Variants in SIRPA observed in about 807,000 individuals in gnomAD.
SIRPA encodes signal regulatory protein alpha.
Under a neutral mutation model 50.3 loss-of-function variants are expected in SIRPA, and 9 were observed. The observed-to-expected ratio is 0.18, with a 90% CI of 0.11 to 0.31. The LOEUF is 0.31. Among genes scored for constraint, SIRPA ranks in the 10% least tolerant of loss-of-function variants. The pLI, the probability that SIRPA is intolerant of heterozygous loss-of-function variation, is 1.00. For missense variants in SIRPA, 474 were observed against 661.6 expected (o/e 0.72, Z 3.11); for synonymous variants, 265 against 284.1 (o/e 0.93, Z 0.68).
At chr20:1,897,958 C>T in intron 1 of SIRPA, among the ~76,000 whole-genome samples, 1 of 152,232 alleles carries the variant, frequency 6.6e-6, no homozygotes, top group Non-Finnish European at 1.5e-5. Context: ...GGACTGAGGC[C>T]TGGGGACACC....
At chr20:1,895,757 ACT>A (rs1160538039) in intron 1 of SIRPA, among the ~76,000 whole-genome samples, 1 of 152,062 alleles carries the variant, frequency 6.6e-6, no homozygotes, top group African/African-American at 2.4e-5. Flanking sequence ...GTCTCTGTGG[ACT>A]CTGACTCTGT....
At chr20:1,904,192 T>A (rs1375746536) in intron 1 of SIRPA, among the ~76,000 whole-genome samples, 1 of 151,946 alleles carries the variant, frequency 6.6e-6, no homozygotes, top group Non-Finnish European at 1.5e-5. Context: ...CCCTAAGATA[T>A]CAGGAAGCAC....
chr20:1,924,706 G>A lies in SIRPA; in HGVS notation c.1088-58G>A. On this transcript the variant is annotated intron_variant, in intron 4 of 7. Transcript: ENST00000358771. The surrounding 1 kb of genome is among the most constrained non-coding windows in gnomAD (Gnocchi z 4.5). ...GCTTAGTGGTGAAAAGCAGTGGTGG[G>A]TTTGGTTTTCTGTTTTTAATCTGCA... The A allele has an allele frequency of 6.4e-6, 9 of 1,412,238 alleles. No individual in the cohort carries two copies. In the South Asian group the frequency reaches 6.9e-5, roughly 11 times the overall value. 87.5% of individuals were successfully genotyped at this position (1,412,238 alleles called of 1,614,324 possible). A position where few individuals can be genotyped will look rare whatever the true frequency, so the allele number is the denominator to read the frequency against.
rs554324629 is a variant in SIRPA at position 1,924,336 on chromosome 20, C to T, written c.1088-428C>T. On this transcript the variant is annotated intron_variant, in intron 4 of 7. Coordinates refer to ENST00000358771, the MANE Select transcript of SIRPA (RefSeq NM_001040023.2). This position sits in a 1 kb window ranked among gnomAD's most constrained non-coding sequence, Gnocchi z 4.5. ...GCCCAGGTGCTGGGCACAGACCGGT[C>T]GTCAGCCCCTGAGCTGTGCAGAGCC... is the stretch of plus-strand genomic sequence containing the variant. Among the ~76,000 whole-genome samples, 9 of 152,196 alleles carry T rather than the reference C, an allele frequency of 5.9e-5. No homozygotes were observed. The highest frequency in any genetic ancestry group is 1.2e-4 in the Non-Finnish European group (8 of 68,026).
intron 6 of SIRPA, among the ~76,000 whole-genome samples, chr20:1,931,882 C>T (rs1355638804): frequency 1.3e-5 from 2 of 152,238 alleles, no homozygotes; most frequent in Non-Finnish European, 2.9e-5. Flanking sequence ...CATTTATTCA[C>T]TTGTCAGACA....
intron 6 of SIRPA, among the ~76,000 whole-genome samples, chr20:1,931,315 G>A (rs1986286049): frequency 6.6e-6 from 1 of 152,192 alleles, no homozygotes; most frequent in African/African-American, 2.4e-5. Flanking sequence ...TGAGGAAATT[G>A]AGGCTCAGAG....
At position 1,908,478 on chromosome 20, in the gene SIRPA, A is replaced by G. The variant is rs11906543; in HGVS notation, c.80-6621A>G. 1.1e-4 allele frequency among the ~76,000 whole-genome samples: 17 copies of G among 152,170 alleles called. No homozygotes were observed. The East Asian group carries it at 2.9e-3, about 26-fold the overall frequency. ...CACCATGATTCAGACACTCTCCTGC[A>G]CACAATTCACATGCCCACGCCCATG... On this transcript the variant is annotated intron_variant, in intron 1 of 7. Coordinates refer to ENST00000358771, the MANE Select transcript of SIRPA (RefSeq NM_001040023.2).
Position 1,895,461 on chromosome 20 carries a change from G to A in SIRPA, c.14G>A (p.Gly5Asp). 1.4e-6 allele frequency: 2 copies of A among 1,424,894 alleles called. No individual in the cohort carries two copies. The highest frequency in any genetic ancestry group is 2.9e-5 in the South Asian group (2 of 67,978). The allele number at this position is 1,424,894 out of a possible 1,614,324, so 88.3% of individuals were successfully genotyped here. Residue 5 changes from glycine to aspartate, a missense_variant, in exon 1 of 8, where the codon GGC becomes GAC. Coordinates refer to ENST00000358771, the MANE Select transcript of SIRPA (RefSeq NM_001040023.2). Reference protein sequence around the residue: MEPAGPAPGRLGPLL... With the variant: MEPADPAPGRLGPLL... ...CAGCCGCGGCCCATGGAGCCCGCCG[G>A]CCCGGCCCCCGGCCGCCTCGGGCCG...
intron 1 of SIRPA, among the ~76,000 whole-genome samples, chr20:1,900,266 G>A (rs4814715): frequency 0.69 from 104,744 of 151,692 alleles, 37,799 homozygotes; most frequent in African/African-American, 0.92. Context: ...ATGCCTGGCT[G>A]ATTTTGTATT....
chr20:1,900,320 G>A (rs902542512), intron 1 of SIRPA, among the ~76,000 whole-genome samples: 7 of 151,986 alleles, frequency 4.6e-5, no homozygotes, highest in Admixed American at 6.6e-5. Flanking sequence ...GGCTGGTCTC[G>A]AACTCCTGAC....
chr20:1,927,241 G>T lies in SIRPA; in HGVS notation c.1202-634G>T, dbSNP rs1600447785. Among the ~76,000 whole-genome samples the T allele has an allele frequency of 1.3e-5, 2 of 152,214 alleles. No individual in the cohort carries two copies. Among genetic ancestry groups the T allele is most frequent in the East Asian group, 3.9e-4 (2 of 5,192 alleles). The stretch of plus-strand genomic sequence containing the variant: ...TTTACAGCAAAATGGGAGTCAAACG[G>T]CTGCTGAACCCTGGAGGCTTCTCTG... On this transcript the variant is annotated intron_variant, in intron 5 of 7. Coordinates refer to ENST00000358771, the MANE Select transcript of SIRPA (RefSeq NM_001040023.2). The surrounding 1 kb of genome is among the most constrained non-coding windows in gnomAD (Gnocchi z 6.5).
chr20:1,896,193 G>C (rs962737484), intron 1 of SIRPA, among the ~76,000 whole-genome samples: 3 of 152,196 alleles, frequency 2.0e-5, no homozygotes, highest in African/African-American at 7.2e-5. Context: ...CTTGCTCCTT[G>C]AGGCGCTCCC....
At chr20:1,929,578 G>A (rs962744969) in intron 6 of SIRPA, among the ~76,000 whole-genome samples, 1 of 152,124 alleles carries the variant, frequency 6.6e-6, no homozygotes, top group African/African-American at 2.4e-5. Flanking sequence ...CTCCTGCCCA[G>A]CAGTGTGAGT....
rs146048438 is a variant in SIRPA, at chr20:1,924,844, G to A, written c.1168G>A (p.Ala390Thr). Residue 390 changes from alanine (A) to threonine (T), a missense_variant, in exon 5 of 8, where the codon GCC becomes ACC. Transcript: ENST00000358771. This position sits in a 1 kb window ranked among gnomAD's most constrained non-coding sequence, Gnocchi z 4.5. ...CTTGCTGGTGGCCCTACTGATGGCGGCCCTCTACCTCGTCCGAATCAGACA... is the reference window on the plus strand; with the variant it reads ...CTTGCTGGTGGCCCTACTGATGGCGACCCTCTACCTCGTCCGAATCAGACA... ...CTLLVALLMA[A>T]LYLVRIRQKK... 8.7e-6 allele frequency: 14 copies of A among 1,614,022 alleles called. No individual in the cohort carries two copies. The African/African-American group carries it at 1.3e-4, about 15-fold the overall frequency.
At chr20:1,895,247 T>G (rs1193507907), upstream of SIRPA, 1 of 420,244 alleles carries the variant, frequency 2.4e-6, no homozygotes, top group African/African-American at 2.3e-5. Flanking sequence ...TCTCTCCATT[T>G]CTCCTGGGGG....
chr20:1,895,960 G>A (rs536178753), intron 1 of SIRPA, among the ~76,000 whole-genome samples: 23 of 152,188 alleles, frequency 1.5e-4, no homozygotes, highest in Non-Finnish European at 2.1e-4. Context: ...GAGGGCAGAG[G>A]TCCTCCCGAT....
intron 1 of SIRPA, among the ~76,000 whole-genome samples, chr20:1,914,690 C>G (rs1368116844): frequency 7.2e-6 from 1 of 139,108 alleles, no homozygotes; most frequent in African/African-American, 2.7e-5. Flanking sequence ...CATCCTGGGC[C>G]AGGCCAGAAA....
chr20:1,924,768 C>T lies in SIRPA; in HGVS notation c.1092C>T (p.Asn364=), dbSNP rs773983204. ...TCTATTCCATGTGGTCCCTAGAGAA[C>T]ACTGGATCTAATGAACGGAACATCT... is the stretch of plus-strand genomic sequence containing the variant. ...KEQGSNTAAE[N]TGSNERNIYI... The change falls in exon 5 of 8, where the codon AAC becomes AAT. Residue 364 remains asparagine, a synonymous_variant. Transcript: ENST00000358771. The surrounding 1 kb of genome is among the most constrained non-coding windows in gnomAD (Gnocchi z 4.5). The T allele has an allele frequency of 1.2e-6, 2 of 1,613,706 alleles. No individual in the cohort carries two copies. Among genetic ancestry groups the T allele is most frequent in the Non-Finnish European group, 1.7e-6 (2 of 1,179,754 alleles).
At chr20:1,900,504 T>C (rs1984125447) in intron 1 of SIRPA, among the ~76,000 whole-genome samples, 1 of 152,220 alleles carries the variant, frequency 6.6e-6, no homozygotes, top group Non-Finnish European at 1.5e-5. Context: ...AGCCTGCCTC[T>C]AGGTGTCTCT....
Sources: allele counts gnomAD v4.1 joint callset (sites outside exome capture counted in the v4.1 genomes callset), GRCh38; gene constraint gnomAD v4.1.1; non-coding constraint Gnocchi (gnomAD v3.1); transcripts MANE v1.5; gene names NCBI Gene and HGNC (gene_info 2026-07-23, HGNC 2026-07-21).